Variants in TCF25 observed in about 807,000 individuals in gnomAD.
The protein encoded by TCF25 is TCF25 ribosome quality control complex subunit.
A neutral mutation model predicts 83.1 loss-of-function variants in TCF25; 41 were observed. The observed-to-expected ratio is 0.49, with a 90% CI of 0.38 to 0.64. The LOEUF (loss-of-function observed/expected upper bound fraction) is 0.64. Among genes scored for constraint, TCF25 ranks in the 30% least tolerant of loss-of-function variants. The pLI, the probability that TCF25 is intolerant of heterozygous loss-of-function variation, is 0.00. For missense variants in TCF25, 979 were observed against 914.5 expected, an observed-to-expected ratio of 1.07 and a Z score of -0.91; for synonymous variants, 458 against 365.0, an observed-to-expected ratio of 1.25 and a Z score of -2.90.
chr16:89,873,987 C>G, intron 1 of TCF25, 128 bp downstream of exon 1: 1 of 1,068,066 alleles, frequency 9.4e-7, no homozygotes, highest in Non-Finnish European at 1.2e-6. Context: ...GGGTCCCAGC[C>G]GCAGTGGGGA....
intron 4 of TCF25, 23 bp downstream of exon 4, chr16:89,885,989 C>CGGCTGCCCTTCTCTGA: frequency 7.3e-7 from 1 of 1,367,162 alleles, no homozygotes; most frequent in Non-Finnish European, 9.9e-7. Flanking sequence ...CCCTTCTCTG[C>CGGCTGCCCTTCTCTGA]GGCTGCCCTT....
At position 89,904,477 on chromosome 16, in the gene TCF25, C is replaced by G. The variant is rs1014103935; in HGVS notation, c.1469+272C>G. 7.4e-6 allele frequency: 4 copies of G among 538,498 alleles called. No homozygotes were observed. The African/African-American group carries it at 7.6e-5, about 10-fold the overall frequency. 33.4% of individuals were successfully genotyped at this position (538,498 alleles called of 1,614,324 possible). On this transcript the variant is annotated intron_variant, in intron 13 of 17. Transcript: ENST00000263346. ...GCGTGGCGGCACATGCCTGTAATCT[C>G]AGCTTTTTGGGAGGCCGGCTTGTGC...
chr16:89,874,072 T>TTC (rs1163180830), intron 1 of TCF25, among the ~76,000 whole-genome samples: 1 of 140,566 alleles, frequency 7.1e-6, no homozygotes. Context: ...GGCCGCGGAG[T>TTC]TAGACTGGGT....
intron 7 of TCF25, among the ~76,000 whole-genome samples, chr16:89,894,615 T>C (rs1215416012): frequency 6.6e-6 from 1 of 152,210 alleles, no homozygotes; most frequent in East Asian, 1.9e-4. Context: ...ATAACTAGCC[T>C]ATTTTGAGTT....
Position 89,873,592 on chromosome 16 carries a change from G to A in TCF25, c.-76G>A. 3 of 1,370,172 alleles carry A rather than the reference G, an allele frequency of 2.2e-6. No homozygotes were observed. The highest frequency in any genetic ancestry group is 2.8e-6 in the Non-Finnish European group (3 of 1,054,028). The allele number at this position is 1,370,172 out of a possible 1,614,324, so 84.9% of individuals were successfully genotyped here. On this transcript the variant is annotated 5_prime_UTR_variant, in exon 1 of 18. In the 5' UTR this introduces an upstream ATG that the reference lacks. Transcript: ENST00000263346. ...CCCCGCCCCCGACCCCGCGCGAAGA[G>A]TGCGCAGGCGCGCCGACAGCCGAGT...
intron 12 of TCF25, 41 bp downstream of exon 12, chr16:89,900,835 C>T (rs764026169): frequency 1.3e-6 from 2 of 1,500,380 alleles, no homozygotes; most frequent in African/African-American, 1.4e-5. Flanking sequence ...GGGGTGTGTC[C>T]TGTCAGCCGT....
chr16:89,908,912 G>C (rs540658935), intron 16 of TCF25: 36 of 1,284,770 alleles, frequency 2.8e-5, no homozygotes, highest in Non-Finnish European at 3.4e-5. Flanking sequence ...GCCTCTTTCA[G>C]ACCCAGATGC....
intron 13 of TCF25, 185 bp downstream of exon 13, chr16:89,904,390 C>T: frequency 1.5e-6 from 1 of 656,892 alleles, no homozygotes; most frequent in East Asian, 2.8e-5. Flanking sequence ...GTGGAAAAGT[C>T]CAGGTGGGAC....
At chr16:89,909,922 G>T (rs1193043562) in intron 16 of TCF25, 1 of 152,562 alleles carries the variant, frequency 6.6e-6, no homozygotes, top group Non-Finnish European at 1.5e-5. Context: ...CTGCCAGGCG[G>T]CCGGTGTGTC....
chr16:89,895,636 A>T (rs997417231), intron 8 of TCF25, among the ~76,000 whole-genome samples: 2 of 152,272 alleles, frequency 1.3e-5, no homozygotes, highest in Non-Finnish European at 2.9e-5. Context: ...ATCCATCATT[A>T]GTTGACGGCC....
chr16:89,878,583 T>C, intron 1 of TCF25: 1 of 1,171,200 alleles, frequency 8.5e-7, no homozygotes, highest in South Asian at 1.6e-5. Flanking sequence ...TTGTGAAATG[T>C]TCCCCATTTG....
intron 16 of TCF25, 70 bp downstream of exon 16, chr16:89,907,392 C>CCCAGTTT (rs1567741068): frequency 8.6e-6 from 6 of 695,178 alleles, no homozygotes; most frequent in African/African-American, 1.8e-5. Context: ...GCTCCCAGCT[C>CCCAGTTT]CCACCTCCCA....
intron 4 of TCF25, among the ~76,000 whole-genome samples, chr16:89,886,507 A>G (rs901370743): frequency 1.1e-4 from 17 of 152,220 alleles, no homozygotes; most frequent in African/African-American, 4.1e-4. Flanking sequence ...TCACGCCTGT[A>G]ATCCCAGCAC....
At chr16:89,910,435 A>T (rs2045466956) in intron 16 of TCF25, 156 bp from the exon 17 acceptor site, 10 of 694,266 alleles carry the variant, frequency 1.4e-5, no homozygotes, top group Non-Finnish European at 2.5e-5. Context: ...CCACCCGGGG[A>T]ATCCAGGGCC....
At chr16:89,907,668 T>A (rs945363579) in intron 16 of TCF25, among the ~76,000 whole-genome samples, 32 of 8,026 alleles carry the variant, frequency 4.0e-3, no homozygotes, top group East Asian at 7.9e-3. Flanking sequence ...CCCAGCTCCC[T>A]CCTCCCACCT....
At position 89,904,079 on chromosome 16, in the gene TCF25, G is replaced by A. The variant is rs770505711; in HGVS notation, c.1382-39G>A. The A allele has an allele frequency of 3.8e-6, 6 of 1,580,120 alleles. No individual in the cohort carries two copies. In the African/African-American group the frequency reaches 4.0e-5, roughly 11 times the overall value. Reference sequence around the variant, plus strand: ...TGGGGGCTAGGAGTGGCTGGGGTGTGTGCTGAGGGCCCCCACAGAGCCTCC... The same window carrying A: ...TGGGGGCTAGGAGTGGCTGGGGTGTATGCTGAGGGCCCCCACAGAGCCTCC... On this transcript the variant is annotated intron_variant, in intron 12 of 17. Transcript: ENST00000263346.
intron 5 of TCF25, chr16:89,890,511 C>T (rs2043349464): frequency 6.6e-6 from 1 of 152,180 alleles, no homozygotes; most frequent in African/African-American, 2.4e-5. Context: ...AGGATGTTTT[C>T]ATATGCTGTT....
At position 89,895,153 on chromosome 16, in the gene TCF25, C is replaced by T. The variant is rs1351046510; in HGVS notation, c.928+16C>T. The T allele has an allele frequency of 1.2e-6, 2 of 1,608,626 alleles. No individual in the cohort carries two copies. The highest frequency in any genetic ancestry group is 4.5e-5 in the East Asian group (2 of 44,826). On this transcript the variant is annotated intron_variant, in intron 8 of 17. Coordinates refer to ENST00000263346, the MANE Select transcript of TCF25 (RefSeq NM_014972.3). ...GACCTCGTAGGTAAGGCAGAGCCCC[C>T]ACCCCATTCCCCTCAGCTGTGGGAG...
At chr16:89,897,231 G>A (rs191015848) in intron 9 of TCF25, among the ~76,000 whole-genome samples, 48 of 152,326 alleles carry the variant, frequency 3.2e-4, no homozygotes, top group Admixed American at 5.9e-4. Flanking sequence ...TGTGCTGAGC[G>A]ACCGCATGTG....
Sources: allele counts gnomAD v4.1 joint callset (sites outside exome capture counted in the v4.1 genomes callset), GRCh38; gene constraint gnomAD v4.1.1; transcripts MANE v1.5; gene names NCBI Gene and HGNC (gene_info 2026-07-23, HGNC 2026-07-21).